TMEM63C: variants seen among roughly 807,000 people sequenced by gnomAD.
The protein encoded by TMEM63C is osmosensitive cation channel TMEM63C.
In TMEM63C, 32 loss-of-function variants were observed where a neutral mutation model predicts 99.2. The observed-to-expected ratio is 0.32, with a 90% CI of 0.24 to 0.43. The LOEUF (loss-of-function observed/expected upper bound fraction) is 0.43. Among genes scored for constraint, TMEM63C ranks in the 20% least tolerant of loss-of-function variants. The probability of loss-of-function intolerance (pLI) is 1.00; values close to 1 mark genes in which losing one functional copy is unlikely to be tolerated. For synonymous variants in TMEM63C, 376 were observed against 397.9 expected, an observed-to-expected ratio of 0.94 and a Z score of 0.66; for missense variants, 826 against 1,053.0, an observed-to-expected ratio of 0.78 and a Z score of 2.98.
chr14:77,209,840 T>C (rs1208494368), intron 1 of TMEM63C, among the ~76,000 whole-genome samples: 2 of 152,032 alleles, frequency 1.3e-5, no homozygotes, highest in Admixed American at 1.3e-4. Context: ...GCCAGGCCAG[T>C]GGCCTCTAGG....
In TMEM63C at chr14:77,248,527, G is replaced by A. The variant is rs149220776; in HGVS notation, c.1764+18G>A. On this transcript the variant is annotated intron_variant, in intron 19 of 23. Coordinates refer to ENST00000298351, the MANE Select transcript of TMEM63C (RefSeq NM_020431.4). ...TCAGAAAGGTACAGACTGGCTCTCC[G>A]CTGAGCACAGCCCTCAGTTTCCTTT... The A allele has an allele frequency of 1.4e-3, 2,257 of 1,568,244 alleles. 10 individuals carry two copies. The highest frequency in any genetic ancestry group is 0.013 in the Middle Eastern group (76 of 6,006).
chr14:77,211,573 G>C (rs553223414), intron 1 of TMEM63C, among the ~76,000 whole-genome samples: 2 of 152,226 alleles, frequency 1.3e-5, no homozygotes, highest in Non-Finnish European at 2.9e-5. Context: ...TCATCTGGAA[G>C]GGGAAGTGGG....
chr14:77,195,801 A>G (rs1389141539), intron 1 of TMEM63C, among the ~76,000 whole-genome samples: 1 of 152,172 alleles, frequency 6.6e-6, no homozygotes, highest in African/African-American at 2.4e-5. Context: ...GCTGGGTTGA[A>G]TGGTAGCTCC....
chr14:77,190,927 T>G (rs1888094675), intron 1 of TMEM63C, among the ~76,000 whole-genome samples: 1 of 152,048 alleles, frequency 6.6e-6, no homozygotes. Flanking sequence ...AGTGCTAAAT[T>G]TATCAAAATT....
intron 1 of TMEM63C, among the ~76,000 whole-genome samples, chr14:77,194,336 A>G (rs2661824): frequency 0.17 from 15,053 of 87,130 alleles, 1,040 homozygotes; most frequent in South Asian, 0.23. Context: ...ATATATATAT[A>G]TGTGTGTGTG....
At chr14:77,246,844 G>A (rs149661052) in intron 18 of TMEM63C, among the ~76,000 whole-genome samples, 170 bp downstream of exon 18, 5 of 152,258 alleles carry the variant, frequency 3.3e-5, no homozygotes, top group Admixed American at 3.3e-4. Context: ...GATCCCTTTG[G>A]CAATCTAGTT....
intron 21 of TMEM63C, among the ~76,000 whole-genome samples, 153 bp downstream of exon 21, chr14:77,249,611 A>C (rs578111582): frequency 6.6e-6 from 1 of 152,332 alleles, no homozygotes; most frequent in South Asian, 2.1e-4. Flanking sequence ...CTGGGCCTAA[A>C]GGGCCTACAT....
At chr14:77,187,006 C>G (rs959479070) in intron 1 of TMEM63C, among the ~76,000 whole-genome samples, 1 of 152,158 alleles carries the variant, frequency 6.6e-6, no homozygotes, top group African/African-American at 2.4e-5. Context: ...GGCTTGAGGC[C>G]CTGGAGCCAC....
intron 8 of TMEM63C, 114 bp downstream of exon 8, chr14:77,233,614 G>T: frequency 9.0e-7 from 1 of 1,107,152 alleles, no homozygotes; most frequent in African/African-American, 1.6e-5. Flanking sequence ...GAAAGGCCTG[G>T]TTTCCCTGGG....
At chr14:77,186,914 A>G (rs570496873) in intron 1 of TMEM63C, among the ~76,000 whole-genome samples, 77 of 152,114 alleles carry the variant, frequency 5.1e-4, no homozygotes, top group Non-Finnish European at 9.1e-4. Flanking sequence ...CTGGCGCCTC[A>G]TGTGCCCAGG....
chr14:77,221,930 G>A (rs1888731010), intron 5 of TMEM63C, among the ~76,000 whole-genome samples: 1 of 150,850 alleles, frequency 6.6e-6, no homozygotes, highest in Non-Finnish European at 1.5e-5. Flanking sequence ...CTCTCTGTCT[G>A]CTCCTCCTGT....
chr14:77,255,270 C>T (rs1427055230), intron 23 of TMEM63C, among the ~76,000 whole-genome samples: 1 of 152,208 alleles, frequency 6.6e-6, no homozygotes, highest in South Asian at 2.1e-4. Flanking sequence ...GGATTACAGG[C>T]GTGAGCCACC....
intron 13 of TMEM63C, among the ~76,000 whole-genome samples, chr14:77,241,030 G>A (rs1421037380): frequency 6.9e-6 from 1 of 144,330 alleles, no homozygotes; most frequent in East Asian, 2.0e-4. Context: ...AGCTCACTAC[G>A]ACCTCTGCCT....
chr14:77,249,251 T>A (rs150721858), intron 20 of TMEM63C, 40 bp from the exon 21 acceptor site: 1 of 1,608,026 alleles, frequency 6.2e-7, no homozygotes, highest in African/African-American at 1.3e-5. Flanking sequence ...GGTCCAGACT[T>A]GAAGGGGCCA....
At chr14:77,252,576 A>G (rs1384585111) in intron 22 of TMEM63C, among the ~76,000 whole-genome samples, 1 of 152,234 alleles carries the variant, frequency 6.6e-6, no homozygotes, top group Non-Finnish European at 1.5e-5. Flanking sequence ...CGTATTTAAC[A>G]TTAACTTTCT....
At chr14:77,202,825 GCACACACACACACA>G (rs60544528) in intron 1 of TMEM63C, among the ~76,000 whole-genome samples, 11,071 of 141,072 alleles carry the variant, frequency 0.078, 1,375 homozygotes, top group African/African-American at 0.27. Flanking sequence ...ACAGGCAGGC[GCACACACACACACA>G]CACACACACA....
intron 6 of TMEM63C, among the ~76,000 whole-genome samples, chr14:77,226,436 G>A (rs1382056561): frequency 6.6e-6 from 1 of 152,216 alleles, no homozygotes; most frequent in African/African-American, 2.4e-5. Context: ...ATGCGGTCTG[G>A]TTGGAGAAAC....
chr14:77,225,471 C>A lies in TMEM63C; in HGVS notation c.350+10C>A, dbSNP rs746391615. ...ACAGCATAACAATGAAGTAAGTGCC[C>A]GGGCTCTGTGAGCTTGTGACCGTGT... On this transcript the variant is annotated intron_variant, in intron 6 of 23. Coordinates refer to ENST00000298351, the MANE Select transcript of TMEM63C (RefSeq NM_020431.4). 2.5e-6 allele frequency: 4 copies of A among 1,612,474 alleles called. No individual in the cohort carries two copies. Among genetic ancestry groups the A allele is most frequent in the Non-Finnish European group, 3.4e-6 (4 of 1,179,330 alleles).
rs933016192 is a variant in TMEM63C at position 77,208,010 on chromosome 14, G to A, written c.-76-5436G>A. On this transcript the variant is annotated intron_variant, in intron 1 of 23. Coordinates refer to ENST00000298351, the MANE Select transcript of TMEM63C (RefSeq NM_020431.4). ...CCCCCAGCTCAGGCCCTAACTTCAC[G>A]GTACTAACTCCCTGATCTGGGCAAG... 3.3e-5 allele frequency among the ~76,000 whole-genome samples: 5 copies of A among 152,074 alleles called. No homozygotes were observed. In the East Asian group the frequency reaches 7.7e-4, roughly 23 times the overall value.
Sources: allele counts gnomAD v4.1 joint callset (sites outside exome capture counted in the v4.1 genomes callset), GRCh38; gene constraint gnomAD v4.1.1; transcripts MANE v1.5; gene names NCBI Gene and HGNC (gene_info 2026-07-23, HGNC 2026-07-21).